Variants in GRM8 observed in about 807,000 individuals in gnomAD.
The protein encoded by GRM8 is metabotropic glutamate receptor 8.
A neutral mutation model predicts 87.2 loss-of-function variants in GRM8; 47 were observed. That is an observed-to-expected ratio of 0.54 (90% CI 0.43 to 0.69). The LOEUF (loss-of-function observed/expected upper bound fraction) is 0.69, where lower values mean the gene tolerates loss of function less well. Ranked by LOEUF, GRM8 falls within the 30% of genes least tolerant of loss-of-function variation. The probability of loss-of-function intolerance (pLI) is 0.00; values close to 1 mark genes in which losing one functional copy is unlikely to be tolerated. For missense variants in GRM8, 1,019 were observed against 1,139.2 expected (o/e 0.89, Z 1.52); for synonymous variants, 396 against 404.5 (o/e 0.98, Z 0.25).
At chr7:126,920,187 T>C (rs1354590207) in intron 3 of GRM8, among the ~76,000 whole-genome samples, 1 of 152,154 alleles carries the variant, frequency 6.6e-6, no homozygotes. Context: ...GGCCATTGTC[T>C]GCAAGCCAGG....
chr7:127,035,009 T>C (rs1342739750), intron 3 of GRM8, among the ~76,000 whole-genome samples: 1 of 152,058 alleles, frequency 6.6e-6, no homozygotes, highest in African/African-American at 2.4e-5. Context: ...AGCAGCTCAG[T>C]TTAGATTGGT....
chr7:126,488,545 C>T (rs1807627118), intron 9 of GRM8, among the ~76,000 whole-genome samples: 1 of 151,976 alleles, frequency 6.6e-6, no homozygotes, highest in Admixed American at 6.6e-5. Context: ...TTTTGTAAAA[C>T]ACACCTTTTT....
At chr7:126,967,164 TGTTTG>T (rs1563363046) in intron 3 of GRM8, among the ~76,000 whole-genome samples, 2 of 62,776 alleles carry the variant, frequency 3.2e-5, no homozygotes, top group Non-Finnish European at 6.3e-5. Flanking sequence ...TCTGTGTGTG[TGTTTG>T]TGTGTGTGTG....
intron 5 of GRM8, 112 bp downstream of exon 5, chr7:126,903,860 T>A: frequency 1.9e-6 from 1 of 529,554 alleles, no homozygotes; most frequent in East Asian, 3.3e-5. Flanking sequence ...AAGCTAAAAT[T>A]TGTATCAAGT....
intron 8 of GRM8, among the ~76,000 whole-genome samples, chr7:126,575,530 C>A (rs1484501379): frequency 1.3e-5 from 2 of 151,882 alleles, no homozygotes; most frequent in South Asian, 4.1e-4. Context: ...GAAACCAGTC[C>A]CTGGTCCCAA....
At chr7:126,749,956 CT>C (rs1816222941) in intron 7 of GRM8, among the ~76,000 whole-genome samples, 1 of 152,116 alleles carries the variant, frequency 6.6e-6, no homozygotes, top group African/African-American at 2.4e-5. Context: ...TAAATGTCTT[CT>C]TACCATAGAA....
rs377155575 is a variant in GRM8, at chr7:127,149,147, T to C, written c.511-42435A>G. ...ACAAAATGAAATGACAGCCTATAGA[T>C]TGGGAAAAAAAATACTGCAAACTAT... is the stretch of plus-strand genomic sequence containing the variant. On this transcript the variant is annotated intron_variant, in intron 2 of 10. Coordinates refer to ENST00000339582, the MANE Select transcript of GRM8 (RefSeq NM_000845.3). 1.1e-4 allele frequency among the ~76,000 whole-genome samples: 16 copies of C among 151,890 alleles called. No homozygotes were observed. The South Asian group carries it at 2.5e-3, about 24-fold the overall frequency.
intron 7 of GRM8, among the ~76,000 whole-genome samples, chr7:126,713,902 T>G (rs1811414697): frequency 6.6e-6 from 1 of 151,878 alleles, no homozygotes; most frequent in Non-Finnish European, 1.5e-5. Flanking sequence ...CTTTCTTAAT[T>G]AAACATTTTT....
chr7:126,761,055 C>T (rs151241030), intron 7 of GRM8, among the ~76,000 whole-genome samples: 2,115 of 152,034 alleles, frequency 0.014, 25 homozygotes, highest in Non-Finnish European at 0.018. Flanking sequence ...AAAAATTAGC[C>T]GGCTTGGCGG....
intron 3 of GRM8, among the ~76,000 whole-genome samples, chr7:127,053,744 C>T (rs12667596): frequency 0.084 from 11,487 of 136,984 alleles, 509 homozygotes; most frequent in South Asian, 0.13. Context: ...GCTAAGACCA[C>T]ACCATTACAC....
chr7:127,075,162 C>A (rs142603210), intron 3 of GRM8, among the ~76,000 whole-genome samples: 34 of 152,232 alleles, frequency 2.2e-4, no homozygotes, highest in Non-Finnish European at 4.4e-4. Context: ...TAGTAAAGAT[C>A]TCAGGGGTAA....
rs557443816 is a variant in GRM8 at position 126,612,278 on chromosome 7, A to T, written c.1358-2780T>A. 1.8e-4 allele frequency among the ~76,000 whole-genome samples: 28 copies of T among 152,214 alleles called. No homozygotes were observed. In the South Asian group the frequency reaches 5.4e-3, roughly 29 times the overall value. On this transcript the variant is annotated intron_variant, in intron 7 of 10. Transcript: ENST00000339582. ...CTCAGTGAGCGTATAAGTTTTCCTGATGTCACTCTCACTAATCTCTGATCT... is the reference window on the plus strand; with the variant it reads ...CTCAGTGAGCGTATAAGTTTTCCTGTTGTCACTCTCACTAATCTCTGATCT...
chr7:126,968,023 A>C (rs564966517), intron 3 of GRM8, among the ~76,000 whole-genome samples: 1 of 152,234 alleles, frequency 6.6e-6, no homozygotes, highest in Non-Finnish European at 1.5e-5. Flanking sequence ...GCACCTATAA[A>C]TGTACACGAT....
intron 3 of GRM8, among the ~76,000 whole-genome samples, chr7:126,907,512 T>C (rs983472547): frequency 2.0e-5 from 3 of 151,530 alleles, no homozygotes; most frequent in Non-Finnish European, 2.9e-5. Flanking sequence ...GATGAGAGCA[T>C]GGGAAAGGGC....
At chr7:126,792,179 C>T (rs1485697719) in intron 6 of GRM8, among the ~76,000 whole-genome samples, 3 of 152,178 alleles carry the variant, frequency 2.0e-5, no homozygotes, top group Non-Finnish European at 2.9e-5. Context: ...TGCTCCAGTC[C>T]TGGGTGGCCT....
intron 7 of GRM8, among the ~76,000 whole-genome samples, chr7:126,729,646 C>T (rs1297141206): frequency 6.6e-6 from 1 of 152,184 alleles, no homozygotes; most frequent in Non-Finnish European, 1.5e-5. Context: ...TTGGCAGATA[C>T]TGGGTAACTG....
intron 3 of GRM8, among the ~76,000 whole-genome samples, chr7:127,016,408 T>G (rs1452170016): frequency 3.9e-5 from 6 of 152,018 alleles, no homozygotes; most frequent in African/African-American, 1.4e-4. Context: ...CACTTTTCTC[T>G]GTGTGTAATC....
Position 127,108,714 on chromosome 7 carries a change from GCAGT to G in GRM8, c.511-2006_511-2003del, listed in dbSNP as rs531972412. Among the ~76,000 whole-genome samples the G allele has an allele frequency of 4.1e-4, 62 of 152,220 alleles. No homozygotes were observed. The South Asian group carries it at 5.2e-3, about 13-fold the overall frequency. On this transcript the variant is annotated intron_variant, in intron 2 of 10. Transcript: ENST00000339582. ...CAGTCACTTCCAGGCTGTTTAATTA[GCAGT>G]CAGCCTCATGTTTAGGATTAATTAA...
chr7:127,151,804 G>A (rs1221093215), intron 2 of GRM8, among the ~76,000 whole-genome samples: 1 of 152,056 alleles, frequency 6.6e-6, no homozygotes, highest in East Asian at 1.9e-4. Flanking sequence ...TATGTGCCTT[G>A]AGAGCTTGTT....
Sources: gnomAD v4.1 joint callset for allele counts (sites outside exome capture counted in the v4.1 genomes callset) on GRCh38, gnomAD v4.1.1 for gene constraint, MANE v1.5 for transcripts, NCBI Gene and HGNC (gene_info 2026-07-23, HGNC 2026-07-21) for gene names.